Variants in CTNNA3 observed in about 807,000 individuals in gnomAD.
CTNNA3 encodes the protein catenin alpha 3, also known as catenin alpha-3.
A neutral mutation model predicts 95.7 loss-of-function variants in CTNNA3; 76 were observed. The ratio of observed to expected loss-of-function variants is 0.79; its 90% CI spans 0.66 to 0.96. The LOEUF (loss-of-function observed/expected upper bound fraction) is 0.96. Among genes scored for constraint, CTNNA3 ranks in the 40% least tolerant of loss-of-function variants. The pLI, the probability that CTNNA3 is intolerant of heterozygous loss-of-function variation, is 0.00. For missense variants in CTNNA3, 1,191 were observed against 1,089.8 expected (o/e 1.09, Z -1.31); for synonymous variants, 431 against 374.4 (o/e 1.15, Z -1.74).
At chr10:66,204,014 T>C (rs2087602189) in intron 13 of CTNNA3, among the ~76,000 whole-genome samples, 1 of 152,132 alleles carries the variant, frequency 6.6e-6, no homozygotes, top group Non-Finnish European at 1.5e-5. Flanking sequence ...GGTAGGACTA[T>C]GATCAATTTT....
intron 10 of CTNNA3, among the ~76,000 whole-genome samples, chr10:66,552,263 C>T (rs576580536): frequency 2.0e-5 from 3 of 152,224 alleles, no homozygotes; most frequent in Non-Finnish European, 2.9e-5. Flanking sequence ...CACTCTCCAG[C>T]CTTCTGGAGC....
intron 7 of CTNNA3, among the ~76,000 whole-genome samples, chr10:67,045,308 T>C (rs936375963): frequency 6.6e-6 from 1 of 152,180 alleles, no homozygotes; most frequent in African/African-American, 2.4e-5. Flanking sequence ...AAGGAGTCCA[T>C]GATATACTTT....
At chr10:66,926,271 T>A in intron 7 of CTNNA3, 1 of 489,366 alleles carries the variant, frequency 2.0e-6, no homozygotes, top group Non-Finnish European at 3.8e-6. Context: ...GTTTTTTTTT[T>A]AACCGCCCCC....
chr10:66,404,782 G>T (rs1339674006), intron 11 of CTNNA3, among the ~76,000 whole-genome samples: 1 of 149,148 alleles, frequency 6.7e-6, no homozygotes, highest in Non-Finnish European at 1.5e-5. Flanking sequence ...TTTCCTGTGG[G>T]TTTTTTTTTT....
At chr10:67,701,298 A>G (rs1841037527) in intron 1 of CTNNA3, among the ~76,000 whole-genome samples, 1 of 152,232 alleles carries the variant, frequency 6.6e-6, no homozygotes. Flanking sequence ...CTCCTCGAGA[A>G]GAGCAACACC....
chr10:66,502,501 C>T (rs1840311152), intron 11 of CTNNA3, among the ~76,000 whole-genome samples: 1 of 152,048 alleles, frequency 6.6e-6, no homozygotes, highest in East Asian at 1.9e-4. Flanking sequence ...TTGTAGATAA[C>T]ACTGAAGTCC....
At chr10:66,277,655 AGG>A (rs2091423245) in intron 13 of CTNNA3, among the ~76,000 whole-genome samples, 1 of 152,112 alleles carries the variant, frequency 6.6e-6, no homozygotes, top group East Asian at 1.9e-4. Context: ...TCATTTTCCA[AGG>A]AATCCCTGTA....
intron 10 of CTNNA3, among the ~76,000 whole-genome samples, chr10:66,525,991 T>C (rs1179409753): frequency 6.6e-6 from 1 of 152,176 alleles, no homozygotes; most frequent in Non-Finnish European, 1.5e-5. Context: ...TTTCATTACT[T>C]TTCAAGATTA....
At chr10:67,459,694 CT>C (rs977765241) in intron 5 of CTNNA3, among the ~76,000 whole-genome samples, 3 of 152,164 alleles carry the variant, frequency 2.0e-5, no homozygotes, top group Admixed American at 1.3e-4. Context: ...GTCTTCATCA[CT>C]TTTTAAAATC....
chr10:66,428,223 C>T (rs1196381782), intron 11 of CTNNA3, among the ~76,000 whole-genome samples: 1 of 152,070 alleles, frequency 6.6e-6, no homozygotes, highest in African/African-American at 2.4e-5. Flanking sequence ...TATATATGCA[C>T]CATATAAAGG....
chr10:66,921,258 C>T (rs960318406), intron 7 of CTNNA3, among the ~76,000 whole-genome samples: 27 of 152,252 alleles, frequency 1.8e-4, no homozygotes, highest in Admixed American at 4.6e-4. Flanking sequence ...GGCTCCAATA[C>T]CATGACCTAA....
At chr10:67,298,437 C>T (rs755112905) in intron 5 of CTNNA3, among the ~76,000 whole-genome samples, 16 of 152,342 alleles carry the variant, frequency 1.1e-4, no homozygotes, top group Non-Finnish European at 1.9e-4. Context: ...AGAAACTTCA[C>T]TGATGTGGTT....
At chr10:66,300,127 C>T (rs1450594616) in intron 12 of CTNNA3, among the ~76,000 whole-genome samples, 3 of 151,744 alleles carry the variant, frequency 2.0e-5, no homozygotes, top group Admixed American at 6.6e-5. Flanking sequence ...CTCCTGACCT[C>T]GTGATTCACC....
At chr10:67,313,648 T>C (rs999031478) in intron 5 of CTNNA3, among the ~76,000 whole-genome samples, 5 of 152,100 alleles carry the variant, frequency 3.3e-5, no homozygotes, top group East Asian at 1.9e-4. Flanking sequence ...GTGGAGCGTA[T>C]GAGACCTGAG....
intron 11 of CTNNA3, among the ~76,000 whole-genome samples, chr10:66,448,021 T>C (rs2093435867): frequency 6.6e-6 from 1 of 152,178 alleles, no homozygotes; most frequent in Admixed American, 6.5e-5. Context: ...GCGAAGGATA[T>C]GAGCAGATAC....
At chr10:67,519,111 T>A (rs935389392) in intron 5 of CTNNA3, among the ~76,000 whole-genome samples, 1 of 152,122 alleles carries the variant, frequency 6.6e-6, no homozygotes, top group Admixed American at 6.6e-5. Flanking sequence ...GTGCAGGCAC[T>A]CACTCTTTTA....
intron 5 of CTNNA3, among the ~76,000 whole-genome samples, chr10:67,327,283 G>A (rs1450798308): frequency 1.3e-5 from 2 of 152,136 alleles, no homozygotes; most frequent in Non-Finnish European, 2.9e-5. Context: ...GTGGTCATTT[G>A]GAGCAAAGAA....
chr10:66,954,052 A>C (rs1848672573), intron 7 of CTNNA3, among the ~76,000 whole-genome samples: 1 of 152,328 alleles, frequency 6.6e-6, no homozygotes, highest in South Asian at 2.1e-4. Context: ...TCCATTCTGG[A>C]TATGTACATC....
At chr10:66,580,562 A>T (rs78254074) in intron 10 of CTNNA3, among the ~76,000 whole-genome samples, 1 of 151,892 alleles carries the variant, frequency 6.6e-6, no homozygotes, top group South Asian at 2.1e-4. Flanking sequence ...GCTGTCATCT[A>T]TTAAATGTAT....
Sources: gnomAD v4.1 joint callset for allele counts (sites outside exome capture counted in the v4.1 genomes callset) on GRCh38, gnomAD v4.1.1 for gene constraint, MANE v1.5 for transcripts, NCBI Gene and HGNC (gene_info 2026-07-23, HGNC 2026-07-21) for gene names.